TIAM1: variants seen among roughly 807,000 people sequenced by gnomAD.
TIAM1 encodes the protein TIAM Rac1 associated GEF 1.
Under a neutral mutation model 163.5 loss-of-function variants are expected in TIAM1, and 65 were observed. The ratio of observed to expected loss-of-function variants is 0.40; its 90% CI spans 0.33 to 0.49. The LOEUF is 0.49. Among genes scored for constraint, TIAM1 ranks in the 20% least tolerant of loss-of-function variants. TIAM1 has a pLI of 0.77. For synonymous variants in TIAM1, 833 were observed against 810.1 expected (o/e 1.03, Z -0.48); for missense variants, 1,789 against 2,044.7 (o/e 0.87, Z 2.41).
Position 31,314,915 on chromosome 21 carries a change from C to T in TIAM1, c.-189+24328G>A, listed in dbSNP as rs532456526. 5.3e-5 allele frequency among the ~76,000 whole-genome samples: 8 copies of T among 152,216 alleles called. No individual in the cohort carries two copies. The South Asian group carries it at 1.4e-3, about 28-fold the overall frequency. On this transcript the variant is annotated intron_variant, in intron 2 of 27. Transcript: ENST00000541036. Reference sequence around the variant, plus strand: ...TGAGTGTAAAAATTATGTGCAGGGACGTACCTGCATTTGTATAAAGAGCAG... The same window carrying T: ...TGAGTGTAAAAATTATGTGCAGGGATGTACCTGCATTTGTATAAAGAGCAG...
intron 2 of TIAM1, among the ~76,000 whole-genome samples, chr21:31,402,463 A>G (rs2077181629): frequency 6.6e-6 from 1 of 152,118 alleles, no homozygotes; most frequent in South Asian, 2.1e-4. Flanking sequence ...GAGATGCAGG[A>G]CCAACGTCTC....
At chr21:31,359,624 C>G (rs186883651) in intron 2 of TIAM1, among the ~76,000 whole-genome samples, 228 of 152,048 alleles carry the variant, frequency 1.5e-3, no homozygotes, top group African/African-American at 5.1e-3. Flanking sequence ...CCTGTCTCTA[C>G]TAAAAATACA....
intron 2 of TIAM1, among the ~76,000 whole-genome samples, chr21:31,397,040 G>A (rs1358409437): frequency 3.9e-5 from 6 of 152,124 alleles, no homozygotes; most frequent in African/African-American, 1.4e-4. Flanking sequence ...CGATCGCTGT[G>A]ATATGATTGT....
upstream of TIAM1, among the ~76,000 whole-genome samples, chr21:31,346,036 G>A (rs1287991579): frequency 6.6e-6 from 1 of 151,912 alleles, no homozygotes; most frequent in African/African-American, 2.4e-5. Context: ...TTTGCCTCCG[G>A]GGAACATTTG....
At chr21:31,505,096 A>G (rs991939378) in intron 1 of TIAM1, among the ~76,000 whole-genome samples, 1 of 152,226 alleles carries the variant, frequency 6.6e-6, no homozygotes, top group Non-Finnish European at 1.5e-5. Context: ...ATGGGCCTAA[A>G]GCAGCATCCC....
At chr21:31,273,191 G>A (rs1467003597) in intron 3 of TIAM1, among the ~76,000 whole-genome samples, 1 of 152,206 alleles carries the variant, frequency 6.6e-6, no homozygotes, top group East Asian at 1.9e-4. Context: ...TATACCAAGG[G>A]TGAGTACGGC....
intron 1 of TIAM1, among the ~76,000 whole-genome samples, chr21:31,484,470 G>A (rs9983540): frequency 0.34 from 52,094 of 152,070 alleles, 9,222 homozygotes; most frequent in Non-Finnish European, 0.37. Flanking sequence ...CTCTGCCTCC[G>A]GGGCAGGGAC....
At chr21:31,450,891 C>T (rs753736398) in intron 2 of TIAM1, among the ~76,000 whole-genome samples, 1 of 152,084 alleles carries the variant, frequency 6.6e-6, no homozygotes, top group Non-Finnish European at 1.5e-5. Context: ...GGGTCCCTTC[C>T]ACAACATGTG....
At chr21:31,327,293 C>T (rs1391060288) in intron 2 of TIAM1, among the ~76,000 whole-genome samples, 1 of 152,126 alleles carries the variant, frequency 6.6e-6, no homozygotes, top group Non-Finnish European at 1.5e-5. Context: ...TAGAATTCAT[C>T]AGCTAAGTAC....
chr21:31,330,899 A>G (rs2075658379), intron 2 of TIAM1, among the ~76,000 whole-genome samples: 1 of 149,028 alleles, frequency 6.7e-6, no homozygotes, highest in Non-Finnish European at 1.5e-5. Context: ...ATCCATTTCT[A>G]ATACTATGAT....
rs780137164 is a variant in TIAM1 at position 31,266,625 on chromosome 21, G to A, written c.348C>T (p.Ile116=). The A allele has an allele frequency of 1.5e-5, 24 of 1,614,096 alleles. No homozygotes were observed. The East Asian group carries it at 2.7e-4, about 18-fold the overall frequency. ...TCTGCACAGAGGCTGCTGTGAGGACGATGCTGCTGTCTACGCTGGGAGTGA... is the reference window on the plus strand; with the variant it reads ...TCTGCACAGAGGCTGCTGTGAGGACAATGCTGCTGTCTACGCTGGGAGTGA... ...SSVTPSVDSS[I]VLTAASVQSM... is the part of the protein sequence containing the mutation. The change falls in exon 4 of 28, where the codon ATC becomes ATT. Residue 116 remains isoleucine (I), a synonymous_variant. Coordinates refer to ENST00000541036, the MANE Select transcript of TIAM1 (RefSeq NM_001353694.2).
rs763660621 is a variant in TIAM1 at position 31,120,506 on chromosome 21, G to A, written c.4638C>T (p.His1546=). 44 of 1,614,092 alleles carry A rather than the reference G, an allele frequency of 2.7e-5. No individual in the cohort carries two copies. Among genetic ancestry groups the A allele is most frequent in the African/African-American group, 4.0e-5 (3 of 74,926 alleles). ...RERGRKTLDS[H]ASRMAQLKKQ... ...TCTTGAGCTGTGCCATGCGGGACGC[G>A]TGACTATCCAGGGTTTTCCGGCCTC... Residue 1546 remains histidine (H), a synonymous_variant, in exon 28 of 28, where the codon CAC becomes CAT. Coordinates refer to ENST00000541036, the MANE Select transcript of TIAM1 (RefSeq NM_001353694.2). This position sits in a 1 kb window ranked among gnomAD's most constrained non-coding sequence, Gnocchi z 4.2.
intron 10 of TIAM1, among the ~76,000 whole-genome samples, chr21:31,210,538 G>GAAAGAAAGAAAGA: frequency 1.9e-5 from 1 of 52,236 alleles, no homozygotes; most frequent in South Asian, 5.2e-4. Flanking sequence ...GGAAGGAAAA[G>GAAAGAAAGAAAGA]AAAGAAAGAA....
chr21:31,267,624 A>C (rs1218578818), intron 3 of TIAM1, among the ~76,000 whole-genome samples: 1 of 151,274 alleles, frequency 6.6e-6, no homozygotes, highest in Admixed American at 6.6e-5. Flanking sequence ...AGTAAATCAA[A>C]GTCAAAAATT....
intron 1 of TIAM1, among the ~76,000 whole-genome samples, chr21:31,477,244 A>G (rs922069793): frequency 2.6e-5 from 4 of 152,174 alleles, no homozygotes; most frequent in South Asian, 4.1e-4. Context: ...CGTAATCATA[A>G]TTGGGCTTTG....
intron 1 of TIAM1, among the ~76,000 whole-genome samples, chr21:31,505,837 C>T (rs927958785): frequency 1.3e-5 from 2 of 151,674 alleles, no homozygotes; most frequent in Admixed American, 6.6e-5. Flanking sequence ...AATGAAACCC[C>T]GTCTCTACTA....
chr21:31,356,234 T>C lies in TIAM1; in HGVS notation c.-368-16812A>G, dbSNP rs188043197. On this transcript the variant is annotated intron_variant, in intron 2 of 28. Transcript: ENST00000286827. The stretch of plus-strand genomic sequence containing the variant: ...TTTATGTCAATAATACACAAACACT[T>C]GGAGTTTTCAACTTATACATTCACT... Among the ~76,000 whole-genome samples the C allele has an allele frequency of 3.1e-3, 470 of 152,284 alleles. 4 individuals carry two copies. Among genetic ancestry groups the C allele is most frequent in the African/African-American group, 0.011 (456 of 41,546 alleles).
At chr21:31,330,261 T>C (rs1458320711) in intron 2 of TIAM1, among the ~76,000 whole-genome samples, 2 of 152,226 alleles carry the variant, frequency 1.3e-5, no homozygotes, top group African/African-American at 4.8e-5. Flanking sequence ...CTTTCATGAC[T>C]AGCTCATTTC....
chr21:31,304,180 C>A (rs143822234), intron 2 of TIAM1, among the ~76,000 whole-genome samples: 77 of 152,204 alleles, frequency 5.1e-4, no homozygotes, highest in African/African-American at 1.7e-3. Flanking sequence ...AGAAAAAGTT[C>A]TTTTTCCAAT....
Sources: allele counts gnomAD v4.1 joint callset (sites outside exome capture counted in the v4.1 genomes callset), GRCh38; gene constraint gnomAD v4.1.1; non-coding constraint Gnocchi (gnomAD v3.1); transcripts MANE v1.5; gene names NCBI Gene and HGNC (gene_info 2026-07-23, HGNC 2026-07-21).